The following CDH18 variants were observed in gnomAD, a reference collection of about 807,000 sequenced individuals.
The protein encoded by CDH18 is cadherin-18.
CDH18 carries 31 observed loss-of-function variants against 67.9 expected under a neutral mutation model. The ratio of observed to expected loss-of-function variants is 0.46; its 90% CI spans 0.34 to 0.62. The LOEUF is 0.62. CDH18 is among the 20% of genes least tolerant of loss of function. CDH18 has a pLI of 0.01. For missense variants in CDH18, 890 were observed against 975.5 expected (o/e 0.91, Z 1.17); for synonymous variants, 362 against 347.2 (o/e 1.04, Z -0.48).
chr5:19,951,506 T>C (rs979276179), intron 2 of CDH18, among the ~76,000 whole-genome samples: 4 of 152,162 alleles, frequency 2.6e-5, no homozygotes, highest in African/African-American at 9.7e-5. Flanking sequence ...GTGTTGGGCA[T>C]CAGTCTATCC....
At chr5:19,509,410 A>G (rs1377700578) in intron 10 of CDH18, among the ~76,000 whole-genome samples, 1 of 152,132 alleles carries the variant, frequency 6.6e-6, no homozygotes, top group East Asian at 1.9e-4. Context: ...TACCCATGTA[A>G]AAAAATGCCC....
At position 19,973,186 on chromosome 5, in the gene CDH18, T is replaced by C. The variant is rs562334014; in HGVS notation, c.-257+7874A>G. 3.3e-4 allele frequency among the ~76,000 whole-genome samples: 50 copies of C among 152,232 alleles called. No individual in the cohort carries two copies. The South Asian group carries it at 3.5e-3, about 11-fold the overall frequency. On this transcript the variant is annotated intron_variant, in intron 2 of 12. Coordinates refer to ENST00000382275, the MANE Select transcript of CDH18 (RefSeq NM_004934.5). ...AGCCAATGGAAAAACACTGTGGAAA[T>C]ATTTTTCAATGGAAAAATACTGTAT...
chr5:19,866,016 G>A (rs541038949), intron 2 of CDH18, among the ~76,000 whole-genome samples: 15 of 152,186 alleles, frequency 9.9e-5, no homozygotes, highest in African/African-American at 3.6e-4. Context: ...CTCAGCCAGC[G>A]ATATTTTTGT....
chr5:20,532,218 T>C (rs1421279362), intron 1 of CDH18, among the ~76,000 whole-genome samples: 1 of 152,076 alleles, frequency 6.6e-6, no homozygotes, highest in African/African-American at 2.4e-5. Flanking sequence ...TTCGGTACAA[T>C]ATCCAAAATG....
At chr5:20,546,215 T>C (rs1331629059) in intron 1 of CDH18, among the ~76,000 whole-genome samples, 1 of 152,250 alleles carries the variant, frequency 6.6e-6, no homozygotes, top group East Asian at 1.9e-4. Context: ...GCCAAAACCA[T>C]TCAATAAGTC....
intron 1 of CDH18, among the ~76,000 whole-genome samples, chr5:20,324,540 C>T (rs1035402549): frequency 1.1e-4 from 17 of 150,758 alleles, no homozygotes; most frequent in African/African-American, 4.1e-4. Flanking sequence ...GACTCCGTCT[C>T]AAACAAAACA....
In CDH18 at chr5:19,835,848, A is replaced by G. The variant is rs142532638; in HGVS notation, c.228+2911T>C. On this transcript the variant is annotated intron_variant, in intron 3 of 12. Coordinates refer to ENST00000382275, the MANE Select transcript of CDH18 (RefSeq NM_004934.5). ...TTTATACCTGTGCATTTGTCCATCC[A>G]TACTACAGACAACAGAATAGACAAC... 4.6e-4 allele frequency among the ~76,000 whole-genome samples: 70 copies of G among 152,282 alleles called. 3 individuals are homozygous for G. The highest frequency in any genetic ancestry group is 1.4e-3 in the African/African-American group (59 of 41,572).
In CDH18 at chr5:20,267,187, G is replaced by A. The variant is rs1429936444; in HGVS notation, c.-579-11682C>T. The stretch of plus-strand genomic sequence containing the variant: ...TTTCCCAGTACCATTTCCTAAAAAC[G>A]AGGTCCGTTTCCCAAAGTATGTTCT... On this transcript the variant is annotated intron_variant, in intron 1 of 14. Transcript: ENST00000507958. 3.3e-5 allele frequency among the ~76,000 whole-genome samples: 5 copies of A among 152,180 alleles called. No homozygotes were observed. In the South Asian group the frequency reaches 8.3e-4, roughly 25 times the overall value.
intron 1 of CDH18, among the ~76,000 whole-genome samples, chr5:20,546,222 A>C (rs1325211910): frequency 6.6e-6 from 1 of 152,076 alleles, no homozygotes; most frequent in African/African-American, 2.4e-5. Context: ...CCATTCAATA[A>C]GTCTCTAGGA....
At chr5:19,563,588 G>C (rs6866672) in intron 8 of CDH18, among the ~76,000 whole-genome samples, 2,247 of 152,274 alleles carry the variant, frequency 0.015, 57 homozygotes, top group African/African-American at 0.051. Context: ...CTGTTTAAAT[G>C]AAAGGCTTCA....
In CDH18 at chr5:20,533,959, G is replaced by C. The variant is rs76480172; in HGVS notation, c.-580+41503C>G. Among the ~76,000 whole-genome samples the C allele has an allele frequency of 8.5e-4, 129 of 151,946 alleles. No homozygotes were observed. The East Asian group carries it at 0.023, about 27-fold the overall frequency. On this transcript the variant is annotated intron_variant, in intron 1 of 14. Transcript: ENST00000507958. Reference sequence around the variant, plus strand: ...ACAGATTTTTATATATAAACCAAAAGCTTTTGGGGTCCTAAGTATAGTTAA... The same window carrying C: ...ACAGATTTTTATATATAAACCAAAACCTTTTGGGGTCCTAAGTATAGTTAA...
chr5:20,043,678 C>T (rs1276191363), intron 2 of CDH18, among the ~76,000 whole-genome samples: 1 of 152,110 alleles, frequency 6.6e-6, no homozygotes. Flanking sequence ...AGTCCATTTG[C>T]CTATAAAGCA....
chr5:19,591,654 G>C (rs1402169963), intron 6 of CDH18, among the ~76,000 whole-genome samples: 2 of 152,096 alleles, frequency 1.3e-5, no homozygotes, highest in East Asian at 3.9e-4. Flanking sequence ...AAAAAGTATG[G>C]AAATATGGAA....
chr5:19,473,157 T>C lies in CDH18; in HGVS notation c.*69A>G. 6.4e-7 allele frequency: 1 copy of C among 1,554,326 alleles called. No individual in the cohort carries two copies. The highest frequency in any genetic ancestry group is 8.7e-7 in the Non-Finnish European group (1 of 1,148,792). On this transcript the variant is annotated 3_prime_UTR_variant, in exon 13 of 13. Transcript: ENST00000382275. ...AAGTACTGTTTCCACACTTCTTCCT[T>C]GTCATTGCTGAGGTTGTATATCCAC...
chr5:19,532,166 T>C (rs1748721192), intron 9 of CDH18, among the ~76,000 whole-genome samples: 1 of 152,206 alleles, frequency 6.6e-6, no homozygotes, highest in Non-Finnish European at 1.5e-5. Flanking sequence ...TCTTTTTTTT[T>C]AAATGTTAGA....
chr5:20,099,366 A>G (rs1441876145), intron 2 of CDH18, among the ~76,000 whole-genome samples: 3 of 152,160 alleles, frequency 2.0e-5, no homozygotes, highest in African/African-American at 7.2e-5. Context: ...AATTAGGTGA[A>G]TGGTTTTAAC....
intron 1 of CDH18, among the ~76,000 whole-genome samples, chr5:20,486,131 C>A (rs541495551): frequency 6.6e-6 from 1 of 152,224 alleles, no homozygotes; most frequent in South Asian, 2.1e-4. Flanking sequence ...TCTTAAAACC[C>A]CAGTTCTAAT....
intron 12 of CDH18, 91 bp from the exon 13 acceptor site, chr5:19,473,807 C>A: frequency 1.8e-6 from 2 of 1,097,940 alleles, no homozygotes. Context: ...TTTTCCCATT[C>A]GTCATTAACC....
At chr5:19,782,274 T>C (rs928344988) in intron 3 of CDH18, among the ~76,000 whole-genome samples, 1 of 152,058 alleles carries the variant, frequency 6.6e-6, no homozygotes, top group African/African-American at 2.4e-5. Flanking sequence ...CAGACACTTA[T>C]GAAACCATCA....
Sources: allele counts gnomAD v4.1 joint callset (sites outside exome capture counted in the v4.1 genomes callset), GRCh38; gene constraint gnomAD v4.1.1; transcripts MANE v1.5; gene names NCBI Gene and HGNC (gene_info 2026-07-23, HGNC 2026-07-21).